The following POLR2F variants were observed in gnomAD, a reference collection of about 807,000 sequenced individuals.
The protein encoded by POLR2F is DNA-directed RNA polymerases I, II, and III subunit RPABC2.
In POLR2F, 12 loss-of-function variants were observed where a neutral mutation model predicts 22.7. The ratio of observed to expected loss-of-function variants is 0.53; its 90% CI spans 0.34 to 0.86. POLR2F has a LOEUF of 0.86. POLR2F is among the 40% of genes least tolerant of loss of function. The pLI, the probability that POLR2F is intolerant of heterozygous loss-of-function variation, is 0.02. For synonymous variants in POLR2F, 57 were observed against 66.0 expected (o/e 0.86, Z 0.66); for missense variants, 126 against 171.5 (o/e 0.73, Z 1.48).
At chr22:38,040,001 T>G (rs2085155612) in intron 5 of POLR2F, among the ~76,000 whole-genome samples, 2 of 151,982 alleles carry the variant, frequency 1.3e-5, no homozygotes, top group Non-Finnish European at 2.9e-5. Flanking sequence ...GAGTCAGGTG[T>G]GGTGGCTCAC....
At chr22:38,029,135 G>A (rs776227861), downstream of POLR2F, among the ~76,000 whole-genome samples, 5 of 152,300 alleles carry the variant, frequency 3.3e-5, no homozygotes, top group Middle Eastern at 3.4e-3. Flanking sequence ...AGGAAGGGGC[G>A]TCACCCACTG....
rs1342808696 is a variant in POLR2F at position 37,997,124 on chromosome 22, CTG to C, written c.120+10815_120+10816del. Reference sequence around the variant, plus strand: ...GGGTGCTGCCTGGGGAGGGTGTGTGCTGTGGACCTGCCAGGAACAAACACAGA... The same window carrying C: ...GGGTGCTGCCTGGGGAGGGTGTGTGCTGGACCTGCCAGGAACAAACACAGA... On this transcript the variant is annotated intron_variant, in intron 1 of 2. Transcript: ENST00000333418. This position sits in a 1 kb window ranked among gnomAD's most constrained non-coding sequence, Gnocchi z 4.4. Among the ~76,000 whole-genome samples the C allele has an allele frequency of 6.6e-6, 1 of 152,118 alleles. No individual in the cohort carries two copies. Among genetic ancestry groups the C allele is most frequent in the Non-Finnish European group, 1.5e-5 (1 of 68,004 alleles).
At chr22:38,014,167 A>G (rs902416420) in intron 1 of POLR2F, among the ~76,000 whole-genome samples, 2 of 151,012 alleles carry the variant, frequency 1.3e-5, no homozygotes, top group Non-Finnish European at 2.9e-5. Context: ...ATTGACTTGT[A>G]TTCACCTTCT....
chr22:37,973,908 G>A, downstream of POLR2F: 1 of 1,610,312 alleles, frequency 6.2e-7, no homozygotes, highest in Non-Finnish European at 8.5e-7. Context: ...CAGGCGGAGT[G>A]TCCACTGGCC....
chr22:38,001,436 G>C (rs1601900167), intron 1 of POLR2F, among the ~76,000 whole-genome samples: 1 of 152,286 alleles, frequency 6.6e-6, no homozygotes, highest in Non-Finnish European at 1.5e-5. Context: ...GATTTTTAGG[G>C]GAATTTACGA....
chr22:37,960,247 A>G (rs1931577400), intron 3 of POLR2F, among the ~76,000 whole-genome samples: 2 of 146,196 alleles, frequency 1.4e-5, no homozygotes, highest in Admixed American at 1.4e-4. Flanking sequence ...TTTTTTTGAC[A>G]GAGTCTTGCT....
chr22:37,961,140 CGCCTGGCCG>C (rs1407231137), intron 3 of POLR2F, among the ~76,000 whole-genome samples: 9 of 151,922 alleles, frequency 5.9e-5, no homozygotes, highest in Non-Finnish European at 1.2e-4. Context: ...TGAGCCACCG[CGCCTGGCCG>C]GCTCAAGCAA....
Position 37,959,441 on chromosome 22 carries a change from A to G in POLR2F, c.186A>G (p.Arg62=). The G allele has an allele frequency of 6.2e-7, 1 of 1,614,086 alleles. No individual in the cohort carries two copies. Among genetic ancestry groups the G allele is most frequent in the East Asian group, 2.2e-5 (1 of 44,878 alleles). ...ITTPYMTKYE[R]ARVLGTRALQ... ...CACCATACATGACCAAGTACGAGCG[A>G]GCCCGCGTGCTGGGCACCCGAGCGC... is the stretch of plus-strand genomic sequence containing the variant. The change falls in exon 3 of 5, where the codon CGA becomes CGG. Residue 62 remains arginine (R), a synonymous_variant. Coordinates refer to ENST00000442738, the MANE Select transcript of POLR2F (RefSeq NM_021974.5).
chr22:37,996,327 C>A (rs1408352225), intron 1 of POLR2F, among the ~76,000 whole-genome samples: 1 of 152,230 alleles, frequency 6.6e-6, no homozygotes, highest in Non-Finnish European at 1.5e-5. Context: ...ACAGGAAGCA[C>A]CCGGGTCTTC....
chr22:37,959,079 T>C (rs1437228815), intron 2 of POLR2F, among the ~76,000 whole-genome samples: 1 of 152,088 alleles, frequency 6.6e-6, no homozygotes. Flanking sequence ...GGCAGTTAGC[T>C]CTGGAATCTC....
At chr22:37,973,737 G>A (rs1335267676), downstream of POLR2F, 2 of 1,602,998 alleles carry the variant, frequency 1.2e-6, no homozygotes, top group Admixed American at 3.4e-5. Context: ...GAGCCATAGT[G>A]GGGCAGGCTG....
At chr22:37,984,701 C>G (rs1333906156), upstream of POLR2F, among the ~76,000 whole-genome samples, 3 of 152,172 alleles carry the variant, frequency 2.0e-5, no homozygotes, top group East Asian at 5.8e-4. This position sits in a 1 kb window ranked among gnomAD's most constrained non-coding sequence, Gnocchi z 4.4. Flanking sequence ...CCCAGGCCCC[C>G]CCACCCAGCT....
chr22:37,994,121 T>G (rs84770), intron 1 of POLR2F, among the ~76,000 whole-genome samples: 103,030 of 152,056 alleles, frequency 0.68, 35,492 homozygotes, highest in African/African-American at 0.8. Flanking sequence ...TTTTGTCTTG[T>G]CTATAATCAA....
chr22:38,003,244 C>T (rs981624095), intron 1 of POLR2F, among the ~76,000 whole-genome samples: 4 of 150,836 alleles, frequency 2.7e-5, no homozygotes, highest in Non-Finnish European at 4.4e-5. Flanking sequence ...GAACCATGAG[C>T]GAGACAGAGT....
chr22:37,992,857 A>G (rs180844994), intron 1 of POLR2F, among the ~76,000 whole-genome samples: 81 of 152,372 alleles, frequency 5.3e-4, no homozygotes, highest in African/African-American at 1.9e-3. Flanking sequence ...CTGAGCTCAC[A>G]TGACTGTTTA....
chr22:38,015,289 G>A (rs1431039335), intron 1 of POLR2F, among the ~76,000 whole-genome samples: 2 of 152,230 alleles, frequency 1.3e-5, no homozygotes, highest in African/African-American at 4.8e-5. Flanking sequence ...CAGCTGAGGT[G>A]GTGGGGATGG....
chr22:38,013,684 C>T (rs1601907503), intron 1 of POLR2F, among the ~76,000 whole-genome samples: 3 of 152,210 alleles, frequency 2.0e-5, no homozygotes, highest in East Asian at 3.8e-4. Flanking sequence ...ACCTCATTCT[C>T]TCTCCACATT....
intron 5 of POLR2F, among the ~76,000 whole-genome samples, chr22:38,038,924 C>T (rs533434121): frequency 6.6e-6 from 1 of 152,100 alleles, no homozygotes; most frequent in Non-Finnish European, 1.5e-5. Context: ...CCAGGGTTCT[C>T]GGGGCCGGGG....
In POLR2F at chr22:38,000,763, T is replaced by C. The variant is rs552602685; in HGVS notation, c.120+14451T>C. On this transcript the variant is annotated intron_variant, in intron 1 of 2. Transcript: ENST00000333418. ...CATGCTCAAAGTGAAACCAGCTTCC[T>C]TTGGGAACATATGGAGACCACAGGC... Among the ~76,000 whole-genome samples the C allele has an allele frequency of 7.2e-5, 11 of 152,318 alleles. No individual in the cohort carries two copies. The East Asian group carries it at 2.1e-3, about 29-fold the overall frequency.
Sources: gnomAD v4.1 joint callset for allele counts (sites outside exome capture counted in the v4.1 genomes callset) on GRCh38, gnomAD v4.1.1 for gene constraint, Gnocchi (gnomAD v3.1) non-coding constraint, MANE v1.5 for transcripts, NCBI Gene and HGNC (gene_info 2026-07-23, HGNC 2026-07-21) for gene names.